MOB3B: variants seen among roughly 807,000 people sequenced by gnomAD.
MOB3B encodes MOB kinase activator 3B, also known as MOB kinase activator-like 2B.
A neutral mutation model predicts 18.7 loss-of-function variants in MOB3B; 7 were observed. The observed-to-expected ratio is 0.37, with a 90% CI of 0.21 to 0.70. MOB3B has a LOEUF of 0.70. Among genes scored for constraint, MOB3B ranks in the 30% least tolerant of loss-of-function variants. MOB3B has a pLI of 0.52. For synonymous variants in MOB3B, 111 were observed against 99.9 expected (o/e 1.11, Z -0.66); for missense variants, 253 against 281.3 (o/e 0.90, Z 0.72).
At chr9:27,464,902 T>C (rs944338508) in intron 1 of MOB3B, among the ~76,000 whole-genome samples, 5 of 152,090 alleles carry the variant, frequency 3.3e-5, no homozygotes, top group Non-Finnish European at 5.9e-5. Context: ...GATTCAATTA[T>C]CTCCCCCTGG....
At chr9:27,354,344 T>C (rs920446979) in intron 3 of MOB3B, among the ~76,000 whole-genome samples, 15 of 152,172 alleles carry the variant, frequency 9.9e-5, no homozygotes, top group African/African-American at 3.6e-4. Flanking sequence ...TGGTTATCCT[T>C]TGCCTGACAC....
chr9:27,406,845 CT>C (rs879366559), intron 2 of MOB3B, among the ~76,000 whole-genome samples: 259 of 143,448 alleles, frequency 1.8e-3, no homozygotes, highest in Middle Eastern at 3.7e-3. Flanking sequence ...TTCTTTTTTT[CT>C]TTTTTTTTTT....
At chr9:27,516,921 G>C (rs1183671984) in intron 1 of MOB3B, among the ~76,000 whole-genome samples, 1 of 152,114 alleles carries the variant, frequency 6.6e-6, no homozygotes, top group Non-Finnish European at 1.5e-5. Context: ...ACAATTCAAA[G>C]CAACTTGTCT....
At chr9:27,338,438 C>A (rs1820893304) in intron 3 of MOB3B, among the ~76,000 whole-genome samples, 2 of 152,166 alleles carry the variant, frequency 1.3e-5, no homozygotes, top group South Asian at 2.1e-4. Flanking sequence ...TTTGCCCTGG[C>A]AGCTGGCTCT....
chr9:27,387,035 C>G (rs964411877), intron 2 of MOB3B, among the ~76,000 whole-genome samples: 4 of 152,058 alleles, frequency 2.6e-5, no homozygotes, highest in African/African-American at 7.2e-5. Flanking sequence ...TTCTGCGTAC[C>G]AAAATAAAAG....
At chr9:27,354,847 G>C (rs1821163185) in intron 3 of MOB3B, among the ~76,000 whole-genome samples, 1 of 152,142 alleles carries the variant, frequency 6.6e-6, no homozygotes, top group African/African-American at 2.4e-5. Context: ...AGACAGAAAA[G>C]AGGTCATGGG....
intron 3 of MOB3B, among the ~76,000 whole-genome samples, chr9:27,342,769 T>C (rs1290721807): frequency 6.6e-6 from 1 of 151,644 alleles, no homozygotes; most frequent in Non-Finnish European, 1.5e-5. Context: ...CACTCAGTGC[T>C]CAATGTTGCC....
intron 2 of MOB3B, among the ~76,000 whole-genome samples, chr9:27,416,544 A>ATTTTTTTTTTTTTTT (rs559806304): frequency 2.5e-5 from 3 of 121,424 alleles, no homozygotes; most frequent in South Asian, 3.2e-4. Context: ...TTTCTTTTTA[A>ATTTTTTTTTTTTTTT]TTTTTTTTTT....
intron 3 of MOB3B, among the ~76,000 whole-genome samples, chr9:27,347,289 GGTAAC>G (rs773135479): frequency 1.6e-4 from 25 of 152,340 alleles, no homozygotes; most frequent in Non-Finnish European, 2.4e-4. Context: ...GCCACAGTTT[GGTAAC>G]TGCTGATCTT....
chr9:27,356,400 G>A (rs112690777), intron 3 of MOB3B, among the ~76,000 whole-genome samples: 1 of 152,180 alleles, frequency 6.6e-6, no homozygotes, highest in African/African-American at 2.4e-5. Context: ...ATATTGACAT[G>A]TTTGAGGCCA....
At chr9:27,344,796 GAT>G in intron 3 of MOB3B, among the ~76,000 whole-genome samples, 1 of 152,216 alleles carries the variant, frequency 6.6e-6, no homozygotes, top group Non-Finnish European at 1.5e-5. Context: ...ATCCCTTCTG[GAT>G]GTGCTGTGAG....
intron 1 of MOB3B, among the ~76,000 whole-genome samples, chr9:27,467,725 G>A (rs1392303114): frequency 2.0e-5 from 3 of 152,172 alleles, no homozygotes; most frequent in South Asian, 2.1e-4. Context: ...TTCCTCCTGC[G>A]AAGTGCCTGC....
intron 1 of MOB3B, among the ~76,000 whole-genome samples, chr9:27,522,428 T>TA (rs1040495798): frequency 2.1e-5 from 3 of 139,996 alleles, no homozygotes; most frequent in African/African-American, 8.3e-5. Flanking sequence ...TTCATATATA[T>TA]ATATATATAT....
intron 3 of MOB3B, among the ~76,000 whole-genome samples, chr9:27,341,747 G>C (rs1241829944): frequency 6.6e-6 from 1 of 152,152 alleles, no homozygotes; most frequent in African/African-American, 2.4e-5. Context: ...TTCCCCTAGA[G>C]AGGAACTGAA....
chr9:27,442,778 G>T (rs1326047080), intron 2 of MOB3B, among the ~76,000 whole-genome samples: 1 of 152,158 alleles, frequency 6.6e-6, no homozygotes, highest in Non-Finnish European at 1.5e-5. Flanking sequence ...CAGCACTTTT[G>T]TGCTAGTTCT....
intron 1 of MOB3B, among the ~76,000 whole-genome samples, chr9:27,487,478 C>A (rs1342321928): frequency 6.6e-6 from 1 of 151,974 alleles, no homozygotes; most frequent in East Asian, 1.9e-4. Context: ...TGAAACAGAC[C>A]CCTATGTGCA....
chr9:27,480,641 A>G (rs1289489782), intron 1 of MOB3B, among the ~76,000 whole-genome samples: 1 of 151,728 alleles, frequency 6.6e-6, no homozygotes, highest in Non-Finnish European at 1.5e-5. Context: ...GGGTTTCACC[A>G]TGTTGGCCAG....
intron 2 of MOB3B, among the ~76,000 whole-genome samples, chr9:27,413,790 C>T (rs550768721): frequency 1.6e-4 from 24 of 152,264 alleles, no homozygotes; most frequent in Middle Eastern, 3.4e-3. Context: ...TTCTGAGCAA[C>T]TGGGTAAATC....
intron 2 of MOB3B, among the ~76,000 whole-genome samples, chr9:27,404,347 CTTTTTTTTTTT>C (rs756275032): frequency 1.6e-4 from 12 of 75,174 alleles, no homozygotes; most frequent in African/African-American, 5.2e-4. Flanking sequence ...TTCTTTCTTT[CTTTTTTTTTTT>C]TTTTTTTTTT....
Sources: gnomAD v4.1 joint callset for allele counts (sites outside exome capture counted in the v4.1 genomes callset) on GRCh38, gnomAD v4.1.1 for gene constraint, MANE v1.5 for transcripts, NCBI Gene and HGNC (gene_info 2026-07-23, HGNC 2026-07-21) for gene names.